The following POU2F1 variants were observed in gnomAD, a reference collection of about 807,000 sequenced individuals.
POU2F1 encodes the protein POU class 2 homeobox 1, also known as POU domain, class 2, transcription factor 1.
In POU2F1, 16 loss-of-function variants were observed where a neutral mutation model predicts 84.9. The ratio of observed to expected loss-of-function variants is 0.19; its 90% CI spans 0.13 to 0.29. The LOEUF is 0.29. POU2F1 is among the 10% of genes least tolerant of loss of function. The probability of loss-of-function intolerance (pLI) is 1.00; values close to 1 mark genes in which losing one functional copy is unlikely to be tolerated. For missense variants in POU2F1, 738 were observed against 942.6 expected (o/e 0.78, Z 2.84); for synonymous variants, 368 against 368.3 (o/e 1.00, Z 0.01).
chr1:167,350,790 G>A (rs1376319679), intron 2 of POU2F1, among the ~76,000 whole-genome samples: 1 of 152,084 alleles, frequency 6.6e-6, no homozygotes, highest in Non-Finnish European at 1.5e-5. Context: ...CCTGAGGTCG[G>A]GAGTTCGAGA....
chr1:167,291,287 T>A (rs540963953), intron 1 of POU2F1, among the ~76,000 whole-genome samples: 1 of 152,306 alleles, frequency 6.6e-6, no homozygotes, highest in South Asian at 2.1e-4. Context: ...TCTAAAACTG[T>A]GATTTTTATC....
chr1:167,227,144 C>G (rs1307733332), intron 1 of POU2F1, among the ~76,000 whole-genome samples: 1 of 152,072 alleles, frequency 6.6e-6, no homozygotes, highest in East Asian at 1.9e-4. Flanking sequence ...ATACATTATA[C>G]TAACTTTTTT....
intron 1 of POU2F1, among the ~76,000 whole-genome samples, chr1:167,312,449 C>G (rs1203353730): frequency 6.6e-6 from 1 of 151,892 alleles, no homozygotes; most frequent in Admixed American, 6.6e-5. Flanking sequence ...AGGCGGGTCT[C>G]GAACTCCTGA....
chr1:167,239,960 C>G (rs1180257401), intron 1 of POU2F1, among the ~76,000 whole-genome samples: 1 of 143,580 alleles, frequency 7.0e-6, no homozygotes, highest in Non-Finnish European at 1.5e-5. Context: ...TTTTTTTTTT[C>G]TTTAAGCTAT....
chr1:167,389,534 AC>A (rs1648234084), intron 8 of POU2F1, 53 bp from the exon 9 acceptor site: 2 of 1,597,170 alleles, frequency 1.3e-6, no homozygotes, highest in African/African-American at 1.3e-5. Flanking sequence ...CTTGGAGTAA[AC>A]CTAAATATCT....
At position 167,416,237 on chromosome 1, in the gene POU2F1, C is replaced by A. The variant is rs1650313377; in HGVS notation, c.*427C>A. On this transcript the variant is annotated 3_prime_UTR_variant, in exon 16 of 16. Transcript: ENST00000367866. ...GGGGATTTCTTGTTTGTCTAAATTT[C>A]TTTTTTTCTTAAAAAAAAAAAATCA... 2 of 294,018 alleles carry A rather than the reference C, an allele frequency of 6.8e-6. No individual in the cohort carries two copies. The highest frequency in any genetic ancestry group is 1.3e-5 in the Non-Finnish European group (2 of 154,078). The allele number at this position is 294,018 out of a possible 1,614,324, so 18.2% of individuals were successfully genotyped here.
At chr1:167,298,836 C>T (rs576923068) in intron 1 of POU2F1, among the ~76,000 whole-genome samples, 1 of 152,262 alleles carries the variant, frequency 6.6e-6, no homozygotes, top group East Asian at 1.9e-4. Flanking sequence ...ATGTCAGTAG[C>T]TCATCAGTTT....
In POU2F1 at chr1:167,273,600, C is replaced by T. The variant is rs80013121; in HGVS notation, c.61+52642C>T. On this transcript the variant is annotated intron_variant, in intron 1 of 15. Coordinates refer to ENST00000367866, the MANE Select transcript of POU2F1 (RefSeq NM_002697.4). ...CCCCATCTGGAGCAGCAGCCTGAGA[C>T]GTATCTGGGCCCCTTTTAGCCACAA... Among the ~76,000 whole-genome samples, 117 of 152,366 alleles carry T rather than the reference C, an allele frequency of 7.7e-4. No individual in the cohort carries two copies. The East Asian group carries it at 0.022, about 28-fold the overall frequency.
At position 167,361,935 on chromosome 1, in the gene POU2F1, G is replaced by A. The variant is rs114108510; in HGVS notation, c.128-3532G>A. On this transcript the variant is annotated intron_variant, in intron 2 of 15. Coordinates refer to ENST00000367866, the MANE Select transcript of POU2F1 (RefSeq NM_002697.4). ...TTCCAACTGCTCCTTCTGTTTCTCT[G>A]TGTCTTCATGTCTCCTAATGTAGGT... Among the ~76,000 whole-genome samples, 1,394 of 151,934 alleles carry A rather than the reference G, an allele frequency of 9.2e-3. 18 individuals carry two copies. The highest frequency in any genetic ancestry group is 0.031 in the Middle Eastern group (9 of 292).
intron 1 of POU2F1, among the ~76,000 whole-genome samples, chr1:167,327,617 A>G (rs1251069634): frequency 2.0e-5 from 3 of 151,980 alleles, no homozygotes; most frequent in African/African-American, 7.3e-5. Flanking sequence ...AATCTAGTGC[A>G]CTCTTCTGTG....
chr1:167,379,616 A>G lies in POU2F1; in HGVS notation c.718+3461A>G, dbSNP rs1236947878. Reference sequence around the variant, plus strand: ...TTTCAGAAGTCAAAAACTAGTGGAGAGTGGTAATCGCAATGGAAGAAAATG... The same window carrying G: ...TTTCAGAAGTCAAAAACTAGTGGAGGGTGGTAATCGCAATGGAAGAAAATG... On this transcript the variant is annotated intron_variant, in intron 7 of 15. Transcript: ENST00000367866. The G allele has an allele frequency of 2.0e-5, 3 of 152,278 alleles. No homozygotes were observed. The South Asian group carries it at 6.2e-4, about 32-fold the overall frequency. The allele number at this position is 152,278 out of a possible 1,614,324, so 9.4% of individuals were successfully genotyped here.
intron 1 of POU2F1, among the ~76,000 whole-genome samples, chr1:167,233,017 A>G (rs1012478443): frequency 2.6e-5 from 4 of 152,130 alleles, no homozygotes; most frequent in Non-Finnish European, 4.4e-5. Context: ...ACTCACCCAA[A>G]GCAACTTCCA....
intron 1 of POU2F1, among the ~76,000 whole-genome samples, chr1:167,282,839 C>T (rs1218826049): frequency 6.6e-6 from 1 of 152,196 alleles, no homozygotes; most frequent in African/African-American, 2.4e-5. Context: ...GCTCCAGAGG[C>T]CTACTGTCCA....
intron 13 of POU2F1, among the ~76,000 whole-genome samples, chr1:167,406,107 C>T (rs61806125): frequency 6.6e-6 from 1 of 151,876 alleles, no homozygotes; most frequent in African/African-American, 2.4e-5. Flanking sequence ...AAAATATAAA[C>T]CAAAACTCTC....
At chr1:167,382,532 C>A (rs1571410532) in intron 7 of POU2F1, among the ~76,000 whole-genome samples, 1 of 152,178 alleles carries the variant, frequency 6.6e-6, no homozygotes, top group South Asian at 2.1e-4. Context: ...TGTTCTAATT[C>A]TAATATAAGG....
chr1:167,412,059 T>A lies in POU2F1; in HGVS notation c.1656T>A (p.Ser552=). The change falls in exon 14 of 16, where the codon TCT becomes TCA. Residue 552 remains serine (S), a synonymous_variant. Transcript: ENST00000367866. ...CCCCCTCTCTGAGTCCCTCCCCTTC[T>A]GCCTCAGCCTCCACCTCCGAGGCAT... ...VTSPSLSPSP[S]ASASTSEASS... The A allele has an allele frequency of 1.2e-6, 2 of 1,614,226 alleles. No individual in the cohort carries two copies. The highest frequency in any genetic ancestry group is 4.5e-5 in the East Asian group (2 of 44,882).
chr1:167,229,164 TTTTTTTTTTTAA>T (rs900876313), intron 1 of POU2F1, among the ~76,000 whole-genome samples: 17 of 150,768 alleles, frequency 1.1e-4, no homozygotes, highest in African/African-American at 3.4e-4. Context: ...GTCACTGAAT[TTTTTTTTTTTAA>T]TTTTTTTTTG....
intron 10 of POU2F1, among the ~76,000 whole-genome samples, chr1:167,397,378 CAG>C (rs1432177990): frequency 6.6e-6 from 1 of 152,120 alleles, no homozygotes; most frequent in Non-Finnish European, 1.5e-5. Context: ...TATAAACAAA[CAG>C]AACTGGAGAC....
At chr1:167,354,449 G>A (rs1658801142) in intron 2 of POU2F1, among the ~76,000 whole-genome samples, 1 of 151,974 alleles carries the variant, frequency 6.6e-6, no homozygotes, top group Non-Finnish European at 1.5e-5. Flanking sequence ...CCTCCACCAC[G>A]CTCAGCTGAT....
Sources: gnomAD v4.1 joint callset for allele counts (sites outside exome capture counted in the v4.1 genomes callset) on GRCh38, gnomAD v4.1.1 for gene constraint, MANE v1.5 for transcripts, NCBI Gene and HGNC (gene_info 2026-07-23, HGNC 2026-07-21) for gene names.